GBE1: variants seen among roughly 807,000 people sequenced by gnomAD.
GBE1 encodes the protein 1,4-alpha-glucan branching enzyme 1.
A neutral mutation model predicts 88.8 loss-of-function variants in GBE1; 70 were observed. That is an observed-to-expected ratio of 0.79 (90% confidence interval 0.65 to 0.96). The LOEUF (loss-of-function observed/expected upper bound fraction) is 0.96. Ranked by LOEUF, GBE1 falls within the 40% of genes least tolerant of loss-of-function variation. The pLI is 0.00. For missense variants in GBE1, 872 were observed against 871.0 expected (o/e 1.00, Z -0.01); for synonymous variants, 284 against 300.1 (o/e 0.95, Z 0.56).
At chr3:81,551,249 C>T (rs1469827339) in intron 12 of GBE1, among the ~76,000 whole-genome samples, 2 of 152,282 alleles carry the variant, frequency 1.3e-5, no homozygotes, top group East Asian at 3.9e-4. Flanking sequence ...CAGCATCATC[C>T]CTGTTCTCAT....
At chr3:81,510,707 C>T (rs890383457) in intron 14 of GBE1, among the ~76,000 whole-genome samples, 1 of 151,948 alleles carries the variant, frequency 6.6e-6, no homozygotes, top group African/African-American at 2.4e-5. Context: ...AACCAAACAC[C>T]ACCTGTTCCC....
intron 14 of GBE1, among the ~76,000 whole-genome samples, chr3:81,519,072 A>G (rs1702836837): frequency 6.6e-6 from 1 of 151,736 alleles, no homozygotes; most frequent in Non-Finnish European, 1.5e-5. Context: ...CAAAAAGCAT[A>G]GATTCTAATA....
chr3:81,660,905 A>G (rs1559679645), intron 3 of GBE1, among the ~76,000 whole-genome samples: 1 of 152,224 alleles, frequency 6.6e-6, no homozygotes, highest in Admixed American at 6.5e-5. Context: ...CTGTAGGCAT[A>G]CCTTTATTCA....
chr3:81,706,132 A>C (rs1705772947), intron 1 of GBE1, among the ~76,000 whole-genome samples: 1 of 152,174 alleles, frequency 6.6e-6, no homozygotes, highest in African/African-American at 2.4e-5. Context: ...CTGAAGTACG[A>C]AAGGGGCCAT....
chr3:81,702,098 A>T, intron 2 of GBE1, among the ~76,000 whole-genome samples: 1 of 40,786 alleles, frequency 2.5e-5, no homozygotes, highest in Admixed American at 3.1e-4. Flanking sequence ...AGAGAGAGAG[A>T]GAGAGTGTGT....
At chr3:81,699,852 T>C (rs1705661519) in intron 2 of GBE1, among the ~76,000 whole-genome samples, 1 of 152,110 alleles carries the variant, frequency 6.6e-6, no homozygotes, top group African/African-American at 2.4e-5. Context: ...CAGTTGACAC[T>C]CAGTATTAAC....
At chr3:81,585,304 C>A (rs908293153) in intron 10 of GBE1, among the ~76,000 whole-genome samples, 3 of 151,876 alleles carry the variant, frequency 2.0e-5, no homozygotes, top group Admixed American at 6.6e-5. Flanking sequence ...TTTTTCTACC[C>A]AAAATTAAGC....
intron 9 of GBE1, among the ~76,000 whole-genome samples, chr3:81,587,568 AC>A (rs1438742204): frequency 6.6e-6 from 1 of 152,160 alleles, no homozygotes; most frequent in Non-Finnish European, 1.5e-5. Flanking sequence ...CAACAATTAC[AC>A]ATTAAGCATT....
At chr3:81,611,542 C>T (rs1704182973) in intron 7 of GBE1, among the ~76,000 whole-genome samples, 1 of 151,984 alleles carries the variant, frequency 6.6e-6, no homozygotes, top group South Asian at 2.1e-4. Flanking sequence ...ATTCTAAACT[C>T]AATATAAAAA....
chr3:81,758,052 G>A (rs1337120105), intron 1 of GBE1, among the ~76,000 whole-genome samples: 1 of 152,156 alleles, frequency 6.6e-6, no homozygotes, highest in Admixed American at 6.5e-5. Flanking sequence ...AGAAAAGAGG[G>A]ATCCCTAAAT....
chr3:81,694,777 A>T (rs1189510523), intron 2 of GBE1, among the ~76,000 whole-genome samples: 1 of 152,234 alleles, frequency 6.6e-6, no homozygotes, highest in Non-Finnish European at 1.5e-5. Context: ...ACCCTGCCCT[A>T]ACTCTGCTTA....
intron 11 of GBE1, among the ~76,000 whole-genome samples, chr3:81,579,988 C>A (rs889394898): frequency 1.3e-5 from 2 of 152,090 alleles, no homozygotes; most frequent in African/African-American, 4.8e-5. Flanking sequence ...TAGGATTTGG[C>A]CCATGGGCCT....
chr3:81,657,461 G>A (rs577032013), intron 3 of GBE1, among the ~76,000 whole-genome samples: 15 of 151,980 alleles, frequency 9.9e-5, no homozygotes, highest in Admixed American at 2.6e-4. Flanking sequence ...ACTCTTCATC[G>A]TAACTGCTAG....
Position 81,535,219 on chromosome 3 carries a change from C to G in GBE1, c.1910G>C (p.Arg637Pro). Residue 637 changes from arginine to proline, a missense_variant, in exon 14 of 16, where the codon CGA becomes CCA. By Grantham distance (103) the Arg-to-Pro change is moderately radical (BLOSUM62 -2). Transcript: ENST00000429644. ...TTTCCCTGGCAATGCTGTTCCAACT[C>G]GGTAGTCAGTGTAGCTCTTGCTTGG... ...FHPSKSYTDY[R>P]VGTALPGKFK... The G allele has an allele frequency of 6.2e-7, 1 of 1,610,480 alleles. No individual in the cohort carries two copies. The highest frequency in any genetic ancestry group is 8.5e-7 in the Non-Finnish European group (1 of 1,178,308).
chr3:81,706,829 A>G (rs542248805), intron 1 of GBE1, among the ~76,000 whole-genome samples: 1 of 152,290 alleles, frequency 6.6e-6, no homozygotes, highest in Admixed American at 6.5e-5. Flanking sequence ...AAATGGAGGA[A>G]TAAAGTATAT....
chr3:81,693,709 T>C lies in GBE1; in HGVS notation c.313+11735A>G, dbSNP rs139975676. On this transcript the variant is annotated intron_variant, in intron 2 of 15. Coordinates refer to ENST00000429644, the MANE Select transcript of GBE1 (RefSeq NM_000158.4). ...CTGGATCTTTCATATAGTCTTCTAA[T>C]ATCAAGAACCCTGACAGATTTTTGA... is the stretch of plus-strand genomic sequence containing the variant. 1.6e-4 allele frequency among the ~76,000 whole-genome samples: 25 copies of C among 152,274 alleles called. No individual in the cohort carries two copies. The East Asian group carries it at 3.5e-3, about 21-fold the overall frequency.
intron 12 of GBE1, among the ~76,000 whole-genome samples, chr3:81,552,036 G>T (rs1703279304): frequency 1.3e-5 from 2 of 152,196 alleles, no homozygotes; most frequent in Admixed American, 1.3e-4. Flanking sequence ...ACATCTTGAA[G>T]TAATAGCTGA....
chr3:81,756,390 G>A (rs1309328948), intron 1 of GBE1, among the ~76,000 whole-genome samples: 6 of 152,098 alleles, frequency 3.9e-5, no homozygotes, highest in African/African-American at 1.2e-4. Flanking sequence ...ATGGCACAAA[G>A]GAAAAATGAA....
chr3:81,720,324 C>T (rs970802561), intron 1 of GBE1, among the ~76,000 whole-genome samples: 5 of 149,916 alleles, frequency 3.3e-5, no homozygotes, highest in East Asian at 2.0e-4. Context: ...CATACACACA[C>T]GCACACACTG....
Sources: allele counts gnomAD v4.1 joint callset (sites outside exome capture counted in the v4.1 genomes callset), GRCh38; gene constraint gnomAD v4.1.1; transcripts MANE v1.5; gene names NCBI Gene and HGNC (gene_info 2026-07-23, HGNC 2026-07-21).